The following SUPT3H variants were observed in gnomAD, a reference collection of about 807,000 sequenced individuals.
SUPT3H encodes SPT3 homolog, SAGA and STAGA complex component, also known as transcription initiation protein SPT3 homolog.
In SUPT3H, 44 loss-of-function variants were observed where a neutral mutation model predicts 44.3. That is an observed-to-expected ratio of 0.99 (90% CI 0.78 to 1.28). The LOEUF is 1.28. Among genes scored for constraint, SUPT3H ranks in the 50% most tolerant of loss-of-function variants. SUPT3H has a pLI of 0.00. For synonymous variants in SUPT3H, 124 were observed against 125.6 expected (o/e 0.99, Z 0.09); for missense variants, 380 against 387.1 (o/e 0.98, Z 0.15).
At chr6:45,172,909 G>A (rs946898587) in intron 2 of SUPT3H, among the ~76,000 whole-genome samples, 1 of 152,102 alleles carries the variant, frequency 6.6e-6, no homozygotes, top group Admixed American at 6.5e-5. Flanking sequence ...TTAAAAATTC[G>A]TAGTTGAGGA....
At chr6:44,917,945 A>C (rs879280582) in intron 10 of SUPT3H, among the ~76,000 whole-genome samples, 6 of 152,210 alleles carry the variant, frequency 3.9e-5, no homozygotes, top group Non-Finnish European at 7.3e-5. Flanking sequence ...ATGCTCTATC[A>C]GCACAATATT....
intron 2 of SUPT3H, among the ~76,000 whole-genome samples, chr6:45,288,277 G>A (rs929031864): frequency 1.3e-4 from 20 of 151,924 alleles, no homozygotes; most frequent in South Asian, 8.3e-4. Flanking sequence ...ATCTTTTAGG[G>A]ATTATAACTG....
At chr6:45,177,920 C>G (rs376164539) in intron 2 of SUPT3H, among the ~76,000 whole-genome samples, 1 of 151,764 alleles carries the variant, frequency 6.6e-6, no homozygotes, top group African/African-American at 2.4e-5. Flanking sequence ...CTGAAGGAAG[C>G]GCTAAACATG....
chr6:45,356,319 AAC>A (rs758790477), intron 2 of SUPT3H, among the ~76,000 whole-genome samples: 6 of 152,222 alleles, frequency 3.9e-5, no homozygotes, highest in African/African-American at 1.2e-4. Flanking sequence ...GTATATTAAA[AAC>A]ACACACACAT....
At chr6:44,970,925 A>G (rs916184473) in intron 6 of SUPT3H, among the ~76,000 whole-genome samples, 1 of 152,184 alleles carries the variant, frequency 6.6e-6, no homozygotes, top group Non-Finnish European at 1.5e-5. Flanking sequence ...TGCACACTTT[A>G]TGGAGTCTGG....
At chr6:45,084,632 T>C (rs1436276933) in intron 3 of SUPT3H, among the ~76,000 whole-genome samples, 1 of 151,992 alleles carries the variant, frequency 6.6e-6, no homozygotes, top group Non-Finnish European at 1.5e-5. Context: ...CAAAGGAAAA[T>C]AGATCATTCT....
intron 2 of SUPT3H, chr6:45,321,874 T>A: frequency 6.3e-7 from 1 of 1,584,128 alleles, no homozygotes; most frequent in Non-Finnish European, 8.6e-7. Flanking sequence ...TTCTATAGAA[T>A]CTGTTTTCCC....
chr6:45,005,077 G>A (rs538793069), intron 5 of SUPT3H, among the ~76,000 whole-genome samples: 1 of 152,112 alleles, frequency 6.6e-6, no homozygotes, highest in African/African-American at 2.4e-5. Flanking sequence ...GAGTTAAAAG[G>A]TACAAACATT....
chr6:45,038,417 A>G (rs1322431503), intron 3 of SUPT3H, among the ~76,000 whole-genome samples: 9 of 152,192 alleles, frequency 5.9e-5, no homozygotes, highest in Admixed American at 5.9e-4. Flanking sequence ...ACAGCTCACA[A>G]TGCCTAATGA....
chr6:45,364,678 CAA>C (rs962102353), intron 2 of SUPT3H, among the ~76,000 whole-genome samples: 15 of 152,126 alleles, frequency 9.9e-5, no homozygotes, highest in African/African-American at 3.6e-4. Context: ...TGCAATTTCC[CAA>C]AGATTGAATA....
intron 2 of SUPT3H, among the ~76,000 whole-genome samples, chr6:45,265,687 T>C (rs1775131338): frequency 6.6e-6 from 1 of 152,076 alleles, no homozygotes; most frequent in Admixed American, 6.6e-5. Flanking sequence ...GCAGAAAAAG[T>C]ACTAACAGTA....
At chr6:45,373,916 T>C (rs936549559) in intron 1 of SUPT3H, among the ~76,000 whole-genome samples, 4 of 152,186 alleles carry the variant, frequency 2.6e-5, no homozygotes, top group Admixed American at 6.5e-5. Flanking sequence ...TTATACACTA[T>C]CCATGCTGTT....
intron 2 of SUPT3H, among the ~76,000 whole-genome samples, chr6:45,135,589 T>A (rs2153586629): frequency 6.6e-6 from 1 of 152,264 alleles, no homozygotes; most frequent in East Asian, 1.9e-4. Context: ...CTTAGCTAAG[T>A]CCTTTGCTAA....
At chr6:45,013,433 G>A (rs1486496470) in intron 5 of SUPT3H, among the ~76,000 whole-genome samples, 4 of 152,136 alleles carry the variant, frequency 2.6e-5, no homozygotes, top group Admixed American at 6.6e-5. Context: ...GGTCTGAGCC[G>A]AACATCTGTA....
intron 2 of SUPT3H, among the ~76,000 whole-genome samples, chr6:45,305,389 T>C (rs1584819059): frequency 6.6e-6 from 1 of 152,200 alleles, no homozygotes; most frequent in East Asian, 1.9e-4. Context: ...GTTTTGAAAT[T>C]TTCAAGAAGT....
intron 2 of SUPT3H, among the ~76,000 whole-genome samples, chr6:45,337,763 T>G (rs1788888288): frequency 6.6e-6 from 1 of 151,966 alleles, no homozygotes; most frequent in Admixed American, 6.6e-5. Flanking sequence ...CCTCCACTGT[T>G]GGTTGTTATG....
At chr6:44,904,443 C>G (rs1017207870) in intron 10 of SUPT3H, among the ~76,000 whole-genome samples, 6 of 152,068 alleles carry the variant, frequency 3.9e-5, no homozygotes, top group Non-Finnish European at 1.5e-5. Flanking sequence ...AATAAAATAC[C>G]TAGGAATCCA....
intron 2 of SUPT3H, among the ~76,000 whole-genome samples, chr6:45,147,550 A>G (rs1038125466): frequency 6.6e-6 from 1 of 152,064 alleles, no homozygotes; most frequent in African/African-American, 2.4e-5. Context: ...TAGGAGAGAT[A>G]TATATAAAGG....
At chr6:45,041,256 G>C (rs921389181) in intron 3 of SUPT3H, among the ~76,000 whole-genome samples, 8 of 152,184 alleles carry the variant, frequency 5.3e-5, no homozygotes, top group Non-Finnish European at 1.0e-4. Context: ...AGGCAGGGGA[G>C]ACACCTACAT....
Sources: allele counts gnomAD v4.1 joint callset (sites outside exome capture counted in the v4.1 genomes callset), GRCh38; gene constraint gnomAD v4.1.1; transcripts MANE v1.5; gene names NCBI Gene and HGNC (gene_info 2026-07-23, HGNC 2026-07-21).